Variants in TXNDC16 observed in about 807,000 individuals in gnomAD.
The protein encoded by TXNDC16 is thioredoxin domain-containing protein 16.
Under a neutral mutation model 85.6 loss-of-function variants are expected in TXNDC16, and 74 were observed. The ratio of observed to expected loss-of-function variants is 0.86; its 90% CI spans 0.72 to 1.05. TXNDC16 has a LOEUF of 1.05. Among genes scored for constraint, TXNDC16 ranks in the 50% least tolerant of loss-of-function variants. The pLI is 0.00. For synonymous variants in TXNDC16, 335 were observed against 326.5 expected (o/e 1.03, Z -0.28); for missense variants, 959 against 947.0 (o/e 1.01, Z -0.17).
At chr14:52,526,696 G>T (rs1261759172) in intron 6 of TXNDC16, among the ~76,000 whole-genome samples, 2 of 152,214 alleles carry the variant, frequency 1.3e-5, no homozygotes, top group African/African-American at 4.8e-5. Flanking sequence ...CCAAACTGAT[G>T]TCTTGTGTAT....
chr14:52,486,092 T>C (rs900710953), intron 12 of TXNDC16, among the ~76,000 whole-genome samples: 1 of 152,030 alleles, frequency 6.6e-6, no homozygotes, highest in African/African-American at 2.4e-5. Flanking sequence ...TATTTTCTTA[T>C]TTACTGTATT....
intron 14 of TXNDC16, among the ~76,000 whole-genome samples, chr14:52,480,010 C>T (rs1320816769): frequency 6.6e-6 from 1 of 152,086 alleles, no homozygotes; most frequent in African/African-American, 2.4e-5. Context: ...GAAATAAACC[C>T]TAATACTTAC....
chr14:52,542,369 A>G lies in TXNDC16; in HGVS notation c.243+2T>C, dbSNP rs1229488564. 6.3e-7 allele frequency: 1 copy of G among 1,596,782 alleles called. No homozygotes were observed. Among genetic ancestry groups the G allele is most frequent in the Non-Finnish European group, 8.5e-7 (1 of 1,169,678 alleles). On this transcript the variant is annotated splice_donor_variant, in intron 4 of 20. Transcript: ENST00000281741. LOFTEE classifies it high-confidence loss of function. ...ATTTTAGTAACATAAATATCTTTCTACCTTGGCAACTGAAATTCCATAGTC... is the reference window on the plus strand; with the variant it reads ...ATTTTAGTAACATAAATATCTTTCTGCCTTGGCAACTGAAATTCCATAGTC...
chr14:52,497,200 T>C (rs2036552386), intron 9 of TXNDC16, among the ~76,000 whole-genome samples: 1 of 152,154 alleles, frequency 6.6e-6, no homozygotes, highest in Non-Finnish European at 1.5e-5. Flanking sequence ...AAGACTATTA[T>C]GAGCAATTAT....
intron 7 of TXNDC16, among the ~76,000 whole-genome samples, chr14:52,515,334 G>GT (rs1472217198): frequency 2.7e-5 from 4 of 150,844 alleles, no homozygotes; most frequent in Non-Finnish European, 3.0e-5. Flanking sequence ...TTCTGGGTTA[G>GT]TTTTTTTAAT....
chr14:52,528,414 T>C (rs989930647), intron 6 of TXNDC16, among the ~76,000 whole-genome samples: 5 of 152,132 alleles, frequency 3.3e-5, no homozygotes, highest in Admixed American at 3.3e-4. Flanking sequence ...TTAGGCTAAG[T>C]ATTGGATTTA....
chr14:52,513,858 C>A (rs1594745472), intron 8 of TXNDC16, among the ~76,000 whole-genome samples: 1 of 151,934 alleles, frequency 6.6e-6, no homozygotes, highest in South Asian at 2.1e-4. Context: ...AGAATACAAA[C>A]AACTAACCCT....
intron 9 of TXNDC16, among the ~76,000 whole-genome samples, chr14:52,507,741 G>A (rs1427141762): frequency 1.3e-5 from 2 of 152,114 alleles, no homozygotes; most frequent in Non-Finnish European, 2.9e-5. Context: ...ACAGAACAGA[G>A]CCCTCAGAAA....
chr14:52,493,208 T>TACACAC lies in TXNDC16; in HGVS notation c.757-2204_757-2203insGTGTGT, dbSNP rs755511374. Among the ~76,000 whole-genome samples the TACACAC allele has an allele frequency of 2.5e-4, 30 of 119,752 alleles. No individual in the cohort carries two copies. The East Asian group carries it at 3.5e-3, about 14-fold the overall frequency. 78.6% of individuals were successfully genotyped at this position (119,752 alleles called of 152,430 possible). ...TGTCACTGTTCTATATATATATATA[T>TACACAC]ATATATATACACACACACACACACA... On this transcript the variant is annotated intron_variant, in intron 9 of 20. Coordinates refer to ENST00000281741, the MANE Select transcript of TXNDC16 (RefSeq NM_020784.3).
intron 16 of TXNDC16, among the ~76,000 whole-genome samples, chr14:52,460,317 GA>G (rs1333655847): frequency 6.6e-6 from 1 of 151,968 alleles, no homozygotes; most frequent in Non-Finnish European, 1.5e-5. Flanking sequence ...TCATGAATGG[GA>G]AAAAACAATA....
At chr14:52,438,367 T>C (rs1167701504) in intron 20 of TXNDC16, among the ~76,000 whole-genome samples, 1 of 152,176 alleles carries the variant, frequency 6.6e-6, no homozygotes, top group African/African-American at 2.4e-5. Flanking sequence ...TGTAAGAAAT[T>C]GCCACAGCCC....
At chr14:52,467,724 G>A (rs1329701591) in intron 16 of TXNDC16, among the ~76,000 whole-genome samples, 1 of 152,180 alleles carries the variant, frequency 6.6e-6, no homozygotes, top group East Asian at 1.9e-4. Flanking sequence ...ATTACCATAT[G>A]ACCCAGCAAT....
At chr14:52,504,949 C>G (rs1190557456) in intron 9 of TXNDC16, among the ~76,000 whole-genome samples, 1 of 152,070 alleles carries the variant, frequency 6.6e-6, no homozygotes, top group African/African-American at 2.4e-5. Context: ...GACTTTAAAC[C>G]AACAAAGATC....
In TXNDC16 at chr14:52,482,980, A is replaced by T; in HGVS notation, c.1109-15T>A. The stretch of plus-strand genomic sequence containing the variant: ...ATCCTGAACATCTAAAATGTTGGAA[A>T]AGAAATTAATTTAAATATTGATGTA... On this transcript the variant is annotated splice_polypyrimidine_tract_variant and intron_variant, in intron 12 of 20. Coordinates refer to ENST00000281741, the MANE Select transcript of TXNDC16 (RefSeq NM_020784.3). 1.3e-6 allele frequency: 2 copies of T among 1,588,730 alleles called. No homozygotes were observed.
At chr14:52,468,125 G>A (rs537438876) in intron 16 of TXNDC16, among the ~76,000 whole-genome samples, 1 of 152,278 alleles carries the variant, frequency 6.6e-6, no homozygotes, top group African/African-American at 2.4e-5. Flanking sequence ...GTTGTTTAAT[G>A]AGTACAGAGT....
chr14:52,490,898 T>C lies in TXNDC16; in HGVS notation c.864A>G (p.Arg288=), dbSNP rs181562427. Residue 288 remains arginine (R), a synonymous_variant, in exon 10 of 21, where the codon AGA becomes AGG. Transcript: ENST00000281741. Reference sequence around the variant, plus strand: ...GACGCCAAGCAACCCATTCTGCAGTTCTTCTATCAGCTTCATAAGTAGCCT... The same window carrying C: ...GACGCCAAGCAACCCATTCTGCAGTCCTTCTATCAGCTTCATAAGTAGCCT... The part of the protein sequence containing the change: ...SQQATYEADR[R]TAEWVAWRLL... 5 of 1,613,698 alleles carry C rather than the reference T, an allele frequency of 3.1e-6. No individual in the cohort carries two copies. In the Admixed American group the frequency reaches 8.3e-5, roughly 27 times the overall value.
At chr14:52,496,179 A>T (rs2036528527) in intron 9 of TXNDC16, among the ~76,000 whole-genome samples, 1 of 151,936 alleles carries the variant, frequency 6.6e-6, no homozygotes, top group South Asian at 2.1e-4. Context: ...AAAAAGAGAC[A>T]GATCATTTTC....
At chr14:52,528,995 C>T (rs982172089) in intron 6 of TXNDC16, among the ~76,000 whole-genome samples, 1 of 146,202 alleles carries the variant, frequency 6.8e-6, no homozygotes, top group African/African-American at 2.5e-5. Context: ...TATATAAAAC[C>T]TATTATATAT....
At position 52,432,552 on chromosome 14, in the gene TXNDC16, G is replaced by A. The variant is rs753574633; in HGVS notation, c.2230C>T (p.Pro744Ser). 5.6e-6 allele frequency: 9 copies of A among 1,611,668 alleles called. 1 individual carries two copies. The South Asian group carries it at 1.0e-4, about 18-fold the overall frequency. The change falls in exon 21 of 21, where the codon CCA becomes TCA. Residue 744 changes from proline to serine, a missense_variant. Coordinates refer to ENST00000281741, the MANE Select transcript of TXNDC16 (RefSeq NM_020784.3). ...ATCATACTTAGAAAATCATAAGCTG[G>A]AAGAGGAGGTTTCCATTCTTGAGCA... is the stretch of plus-strand genomic sequence containing the variant. ...LPAQEWKPPL[P>S]AYDFLSMIDA...
Sources: allele counts gnomAD v4.1 joint callset (sites outside exome capture counted in the v4.1 genomes callset), GRCh38; gene constraint gnomAD v4.1.1; transcripts MANE v1.5; gene names NCBI Gene and HGNC (gene_info 2026-07-23, HGNC 2026-07-21).